Variants in LARGE1 observed in about 807,000 individuals in gnomAD.
LARGE1 encodes the protein xylosyl- and glucuronyltransferase LARGE1.
A neutral mutation model predicts 87.6 loss-of-function variants in LARGE1; 43 were observed. The ratio of observed to expected loss-of-function variants is 0.49; its 90% CI spans 0.38 to 0.63. LARGE1 has a LOEUF of 0.63. LARGE1 is among the 30% of genes least tolerant of loss of function. The probability of loss-of-function intolerance (pLI) is 0.00; values close to 1 mark genes in which losing one functional copy is unlikely to be tolerated. For missense variants in LARGE1, 802 were observed against 1,000.2 expected (o/e 0.80, Z 2.67); for synonymous variants, 434 against 394.6 (o/e 1.10, Z -1.18).
At chr22:33,920,942 G>A (rs2147024122), upstream of LARGE1, among the ~76,000 whole-genome samples, 1 of 148,808 alleles carries the variant, frequency 6.7e-6, no homozygotes, top group East Asian at 2.0e-4. Flanking sequence ...CTGGGGTCCG[G>A]GCTCCGGGCT....
the LARGE1 span, among the ~76,000 whole-genome samples, chr22:33,095,128 T>G: frequency 6.6e-6 from 1 of 152,258 alleles, no homozygotes; most frequent in South Asian, 2.1e-4. Flanking sequence ...CCACGGAGTC[T>G]ATATTCCTTT....
chr22:33,522,040 G>A (rs2071627774), intron 6 of LARGE1, among the ~76,000 whole-genome samples: 1 of 152,114 alleles, frequency 6.6e-6, no homozygotes, highest in African/African-American at 2.4e-5. Context: ...TGTGAACTCG[G>A]AGCAAGAAGT....
the LARGE1 span, among the ~76,000 whole-genome samples, chr22:33,120,726 AG>A: frequency 6.6e-6 from 1 of 151,948 alleles, no homozygotes; most frequent in African/African-American, 2.4e-5. Flanking sequence ...CGTGTTGGCC[AG>A]GCTGGTCTCA....
At chr22:33,274,975 C>G (rs142365660) in intron 14 of LARGE1, among the ~76,000 whole-genome samples, 1 of 152,172 alleles carries the variant, frequency 6.6e-6, no homozygotes, top group Non-Finnish European at 1.5e-5. Context: ...AGCTCACACC[C>G]ACATGGACAG....
chr22:33,865,834 T>G (rs2064083287), intron 1 of LARGE1, among the ~76,000 whole-genome samples: 1 of 34,422 alleles, frequency 2.9e-5, no homozygotes, highest in Non-Finnish European at 5.7e-5. Flanking sequence ...CTGTTATTCT[T>G]TTTTTTTTTT....
At chr22:33,310,353 G>A (rs764653415) in intron 11 of LARGE1, among the ~76,000 whole-genome samples, 1 of 152,122 alleles carries the variant, frequency 6.6e-6, no homozygotes, top group Non-Finnish European at 1.5e-5. Context: ...AAAGAACCAG[G>A]CTCTCCCTGG....
chr22:33,715,326 C>T (rs950075808), intron 2 of LARGE1, among the ~76,000 whole-genome samples: 1 of 152,176 alleles, frequency 6.6e-6, no homozygotes, highest in African/African-American at 2.4e-5. Flanking sequence ...TCCAAGCTCA[C>T]TGAGTCCTCC....
At chr22:33,303,028 T>G (rs2040131090) in intron 12 of LARGE1, among the ~76,000 whole-genome samples, 2 of 152,350 alleles carry the variant, frequency 1.3e-5, no homozygotes, top group Non-Finnish European at 2.9e-5. Context: ...ATAAAGGATT[T>G]TTTTAAAATG....
At chr22:33,128,638 C>T in the LARGE1 span, among the ~76,000 whole-genome samples, 2 of 146,108 alleles carry the variant, frequency 1.4e-5, no homozygotes, top group African/African-American at 5.1e-5. Context: ...TATGCCATTG[C>T]ACTCCAGCCT....
At chr22:33,659,828 T>C (rs2081068617) in intron 2 of LARGE1, among the ~76,000 whole-genome samples, 1 of 151,254 alleles carries the variant, frequency 6.6e-6, no homozygotes, top group South Asian at 2.1e-4. Flanking sequence ...GAGGCCTGGA[T>C]TCACTGCACC....
intron 2 of LARGE1, among the ~76,000 whole-genome samples, chr22:33,695,758 T>C (rs8141655): frequency 0.033 from 5,095 of 152,242 alleles, 253 homozygotes; most frequent in African/African-American, 0.12. Context: ...AAAAGTTACA[T>C]ATAATGAAAT....
At chr22:33,383,072 G>C (rs1252030737) in intron 8 of LARGE1, among the ~76,000 whole-genome samples, 1 of 152,184 alleles carries the variant, frequency 6.6e-6, no homozygotes, top group Non-Finnish European at 1.5e-5. Flanking sequence ...AACATGCAGA[G>C]TGAGCTGGCT....
chr22:33,447,650 G>A (rs2067738502), intron 6 of LARGE1, among the ~76,000 whole-genome samples: 1 of 152,352 alleles, frequency 6.6e-6, no homozygotes, highest in African/African-American at 2.4e-5. Flanking sequence ...AGGCGGTGAA[G>A]GTGAATTCAA....
the LARGE1 span, among the ~76,000 whole-genome samples, chr22:33,130,546 G>A: frequency 7.2e-5 from 11 of 151,874 alleles, no homozygotes; most frequent in African/African-American, 2.7e-4. Context: ...CCATGCAATG[G>A]GCATACTCCA....
At chr22:33,340,181 G>A (rs927187950) in intron 9 of LARGE1, among the ~76,000 whole-genome samples, 1 of 151,784 alleles carries the variant, frequency 6.6e-6, no homozygotes. Flanking sequence ...GGGAAGTAGA[G>A]GCACAGAAAG....
chr22:33,536,480 G>A, intron 6 of LARGE1, among the ~76,000 whole-genome samples: 1 of 152,200 alleles, frequency 6.6e-6, no homozygotes, highest in East Asian at 1.9e-4. Context: ...TGAGGAGAGA[G>A]TGATAAACCA....
chr22:33,648,862 CT>C (rs995588942), intron 3 of LARGE1, among the ~76,000 whole-genome samples: 3 of 152,192 alleles, frequency 2.0e-5, no homozygotes, highest in African/African-American at 7.2e-5. Context: ...GGGGTTCTGT[CT>C]TTTTTGCTGT....
chr22:33,635,888 T>C (rs140550113), intron 3 of LARGE1, among the ~76,000 whole-genome samples: 4 of 152,334 alleles, frequency 2.6e-5, no homozygotes, highest in Non-Finnish European at 5.9e-5. Flanking sequence ...ATTTCAACTA[T>C]GCAGAAAACA....
At chr22:33,378,364 G>C (rs970024873) in intron 9 of LARGE1, among the ~76,000 whole-genome samples, 10 of 152,088 alleles carry the variant, frequency 6.6e-5, no homozygotes, top group African/African-American at 2.2e-4. Context: ...AACCTCTACT[G>C]TCTTCTTCTA....
Sources: gnomAD v4.1 joint callset for allele counts (sites outside exome capture counted in the v4.1 genomes callset) on GRCh38, gnomAD v4.1.1 for gene constraint, MANE v1.5 for transcripts, NCBI Gene and HGNC (gene_info 2026-07-23, HGNC 2026-07-21) for gene names.